The following PTPRD variants were observed in gnomAD, a reference collection of about 807,000 sequenced individuals.
PTPRD encodes the protein protein tyrosine phosphatase receptor type D.
PTPRD carries 34 observed loss-of-function variants against 214.5 expected under a neutral mutation model. The ratio of observed to expected loss-of-function variants is 0.16; its 90% confidence interval spans 0.12 to 0.21. PTPRD has a LOEUF of 0.21. Among genes scored for constraint, PTPRD ranks in the 10% least tolerant of loss-of-function variants. The probability of loss-of-function intolerance (pLI) is 1.00; values close to 1 mark genes in which losing one functional copy is unlikely to be tolerated. For synonymous variants in PTPRD, 1,128 were observed against 845.7 expected (o/e 1.33, Z -5.79); for missense variants, 2,545 against 2,398.7 (o/e 1.06, Z -1.27).
intron 8 of PTPRD, among the ~76,000 whole-genome samples, chr9:9,568,130 T>G (rs1591784259): frequency 6.6e-6 from 1 of 151,856 alleles, no homozygotes; most frequent in East Asian, 1.9e-4. Flanking sequence ...TACAACTTCT[T>G]AACTTCTTAT....
chr9:9,788,088 T>A (rs1433894905), intron 5 of PTPRD, among the ~76,000 whole-genome samples: 1 of 150,838 alleles, frequency 6.6e-6, no homozygotes, highest in African/African-American at 2.4e-5. Context: ...CCAGCCTGTA[T>A]ACCACTTTTA....
rs1239546880 is a variant in PTPRD, at chr9:9,947,327, A to AT, written c.-471-8718dup. On this transcript the variant is annotated intron_variant, in intron 4 of 45. Transcript: ENST00000381196. ...ATTTTATATATATATTATATATATT[A>AT]TATATGTATTATATATATAATATAT... is the stretch of plus-strand genomic sequence containing the variant. Among the ~76,000 whole-genome samples, 34 of 80,198 alleles carry AT rather than the reference A, an allele frequency of 4.2e-4. 1 individual carries two copies. The highest frequency in any genetic ancestry group is 1.7e-3 in the African/African-American group (32 of 18,616). 52.6% of individuals were successfully genotyped at this position (80,198 alleles called of 152,430 possible). A position where few individuals can be genotyped will look rare whatever the true frequency, so the allele number is the denominator to read the frequency against.
In PTPRD at chr9:8,501,039, C is replaced by T. The variant is rs1044353748; in HGVS notation, c.1843G>A (p.Asp615Asn). ...GAACTTGGGCTGGTGCAACTAATGT[C>T]TTGAGGAGGAGCTGACGGCTCTTAT... ...MQSKPSAPPQDISCTSPSSTS... is the reference protein window; with the variant it reads ...MQSKPSAPPQNISCTSPSSTS... The change falls in exon 24 of 46, where the codon GAC (aspartate) becomes AAC (asparagine). Residue 615 changes from aspartate (D) to asparagine (N), a missense_variant. Asp to Asn is a conservative substitution (Grantham distance 23, BLOSUM62 1). Coordinates refer to ENST00000381196, the MANE Select transcript of PTPRD (RefSeq NM_002839.4). 2 of 1,612,366 alleles carry T rather than the reference C, an allele frequency of 1.2e-6. No homozygotes were observed. Among genetic ancestry groups the T allele is most frequent in the Non-Finnish European group, 1.7e-6 (2 of 1,179,062 alleles).
chr9:9,123,241 T>G (rs796354695), intron 10 of PTPRD, among the ~76,000 whole-genome samples: 3 of 152,288 alleles, frequency 2.0e-5, no homozygotes, highest in African/African-American at 7.2e-5. Flanking sequence ...TCACTCCAAC[T>G]CAGGTACAAA....
intron 7 of PTPRD, among the ~76,000 whole-genome samples, chr9:9,732,059 C>T (rs905601609): frequency 6.6e-6 from 1 of 151,842 alleles, no homozygotes; most frequent in Non-Finnish European, 1.5e-5. Flanking sequence ...ATATTGAAAA[C>T]AATGAAGACT....
intron 11 of PTPRD, among the ~76,000 whole-genome samples, chr9:8,929,659 T>A (rs1234172609): frequency 6.8e-6 from 1 of 146,762 alleles, no homozygotes; most frequent in Non-Finnish European, 1.5e-5. Context: ...TCTTTTTTTG[T>A]GTGTCTCTGC....
At chr9:10,584,640 CCT>C (rs1376157444) in intron 2 of PTPRD, among the ~76,000 whole-genome samples, 2 of 152,102 alleles carry the variant, frequency 1.3e-5, no homozygotes, top group Non-Finnish European at 2.9e-5. Flanking sequence ...ATGATATCTT[CCT>C]GTTTAAACTA....
chr9:10,277,593 G>A (rs2094787406), intron 3 of PTPRD, among the ~76,000 whole-genome samples: 1 of 138,162 alleles, frequency 7.2e-6, no homozygotes, highest in South Asian at 2.3e-4. Flanking sequence ...AATAAATACT[G>A]GCTAATGTCA....
At chr9:9,918,715 A>G (rs1015677754) in intron 5 of PTPRD, among the ~76,000 whole-genome samples, 1 of 152,146 alleles carries the variant, frequency 6.6e-6, no homozygotes, top group Admixed American at 6.6e-5. Flanking sequence ...AAAGAGACCA[A>G]TAGAACCAAT....
intron 12 of PTPRD, among the ~76,000 whole-genome samples, chr9:8,731,260 C>A (rs1297231698): frequency 6.6e-6 from 1 of 152,126 alleles, no homozygotes; most frequent in Non-Finnish European, 1.5e-5. Context: ...TGGTTTCTTT[C>A]CATTCCCATC....
chr9:9,131,032 A>G (rs1048445689), intron 10 of PTPRD, among the ~76,000 whole-genome samples: 7 of 152,210 alleles, frequency 4.6e-5, no homozygotes, highest in Non-Finnish European at 8.8e-5. Context: ...GAATAAAAAA[A>G]CAAATCCGGT....
intron 11 of PTPRD, among the ~76,000 whole-genome samples, chr9:8,959,182 T>A (rs116994986): frequency 0.018 from 2,802 of 152,062 alleles, 36 homozygotes; most frequent in Non-Finnish European, 0.029. Flanking sequence ...TGAGCACCCA[T>A]CATGTGTAAG....
In PTPRD at chr9:10,516,125, A is replaced by AT. The variant is rs111502122; in HGVS notation, c.-600+96272dup. ...GATTGATGGGTCATATGGTAGCTCT[A>AT]TTTTTTATTTTTTGAAAAACTTCCA... On this transcript the variant is annotated intron_variant, in intron 2 of 45. Coordinates refer to ENST00000381196, the MANE Select transcript of PTPRD (RefSeq NM_002839.4). Among the ~76,000 whole-genome samples, 161 of 151,934 alleles carry AT rather than the reference A, an allele frequency of 1.1e-3. 1 individual carries two copies. Among genetic ancestry groups the AT allele is most frequent in the African/African-American group, 3.4e-3 (140 of 41,516 alleles).
At chr9:9,793,694 T>C (rs987054022) in intron 5 of PTPRD, among the ~76,000 whole-genome samples, 1 of 152,092 alleles carries the variant, frequency 6.6e-6, no homozygotes, top group Non-Finnish European at 1.5e-5. Flanking sequence ...CAGCTCAGAA[T>C]ATATTATTTT....
At chr9:8,866,098 T>C (rs1232222644) in intron 11 of PTPRD, among the ~76,000 whole-genome samples, 2 of 152,196 alleles carry the variant, frequency 1.3e-5, no homozygotes, top group South Asian at 4.1e-4. Context: ...TAGGAACATA[T>C]ATTACTGGAA....
intron 3 of PTPRD, among the ~76,000 whole-genome samples, chr9:10,127,697 A>G (rs558329749): frequency 7.2e-5 from 11 of 152,244 alleles, no homozygotes; most frequent in African/African-American, 2.6e-4. Context: ...ACACTGGTAA[A>G]TTCATTAACC....
At chr9:10,495,922 T>C (rs1453803922) in intron 2 of PTPRD, among the ~76,000 whole-genome samples, 1 of 151,812 alleles carries the variant, frequency 6.6e-6, no homozygotes, top group East Asian at 1.9e-4. Context: ...GAAATACAAA[T>C]TGGCTGAGTT....
At chr9:10,174,675 G>C (rs1388583302) in intron 3 of PTPRD, among the ~76,000 whole-genome samples, 1 of 151,618 alleles carries the variant, frequency 6.6e-6, no homozygotes, top group Non-Finnish European at 1.5e-5. Flanking sequence ...CCCAAAAAAA[G>C]TGAAATCAAC....
At chr9:8,697,417 C>CTTTTTTTTTTTTTTTTTTTTTTTTGTTTT (rs752677458) in intron 12 of PTPRD, among the ~76,000 whole-genome samples, 1 of 63,242 alleles carries the variant, frequency 1.6e-5, no homozygotes, top group Non-Finnish European at 3.0e-5. Flanking sequence ...TTTTTATGTA[C>CTTTTTTTTTTTTTTTTTTTTTTTTGTTTT]TTTTTTTTTT....
Sources: allele counts gnomAD v4.1 joint callset (sites outside exome capture counted in the v4.1 genomes callset), GRCh38; gene constraint gnomAD v4.1.1; transcripts MANE v1.5; gene names NCBI Gene and HGNC (gene_info 2026-07-23, HGNC 2026-07-21).